The following ME3 variants were observed in gnomAD, a reference collection of about 807,000 sequenced individuals.
The protein encoded by ME3 is NADP-dependent malic enzyme, mitochondrial.
Under a neutral mutation model 68.9 loss-of-function variants are expected in ME3, and 48 were observed. The observed-to-expected ratio is 0.70, with a 90% CI of 0.55 to 0.89. ME3 has a LOEUF of 0.89. Ranked by LOEUF, ME3 falls within the 40% of genes least tolerant of loss-of-function variation. The probability of loss-of-function intolerance (pLI) is 0.00; values close to 1 mark genes in which losing one functional copy is unlikely to be tolerated. For synonymous variants in ME3, 320 were observed against 318.8 expected (o/e 1.00, Z -0.04); for missense variants, 675 against 797.4 (o/e 0.85, Z 1.85).
chr11:86,501,895 C>T (rs897311150), intron 5 of ME3, among the ~76,000 whole-genome samples: 4 of 152,198 alleles, frequency 2.6e-5, no homozygotes, highest in Admixed American at 6.5e-5. Context: ...GCACTGTTCT[C>T]CTAACTGGTC....
chr11:86,659,908 ATTTTTT>A (rs545825082), intron 2 of ME3, among the ~76,000 whole-genome samples: 1 of 149,794 alleles, frequency 6.7e-6, no homozygotes, highest in African/African-American at 2.5e-5. Context: ...GGCTGGATCT[ATTTTTT>A]TTTTAAGTTA....
chr11:86,450,695 T>C (rs867115789), intron 8 of ME3, among the ~76,000 whole-genome samples: 2 of 152,136 alleles, frequency 1.3e-5, no homozygotes, highest in African/African-American at 4.8e-5. Flanking sequence ...AGGATAAATA[T>C]AATGGAAGAC....
At chr11:86,504,719 G>C (rs1412447061) in intron 5 of ME3, among the ~76,000 whole-genome samples, 1 of 151,626 alleles carries the variant, frequency 6.6e-6, no homozygotes, top group Non-Finnish European at 1.5e-5. Context: ...TTTTGAGACA[G>C]AGTCTTGCTC....
intron 7 of ME3, among the ~76,000 whole-genome samples, chr11:86,470,197 T>A (rs1365164174): frequency 6.6e-6 from 1 of 152,136 alleles, no homozygotes; most frequent in Non-Finnish European, 1.5e-5. Context: ...TGAACAAACA[T>A]GAGGGACTGG....
chr11:86,591,159 A>G (rs1347267042), intron 2 of ME3, among the ~76,000 whole-genome samples: 1 of 151,020 alleles, frequency 6.6e-6, no homozygotes, highest in East Asian at 2.0e-4. Context: ...TTCCTTTTGT[A>G]GGGGTCAGAT....
At chr11:86,647,125 G>C (rs182318257) in intron 2 of ME3, among the ~76,000 whole-genome samples, 2 of 152,282 alleles carry the variant, frequency 1.3e-5, no homozygotes, top group Non-Finnish European at 1.5e-5. Context: ...GATTGACACT[G>C]TGAAGAAACT....
intron 4 of ME3, among the ~76,000 whole-genome samples, chr11:86,525,036 G>T (rs1357035871): frequency 2.0e-5 from 3 of 152,164 alleles, no homozygotes; most frequent in African/African-American, 7.2e-5. Flanking sequence ...TCTGGTCAGG[G>T]ATAAGTTCCA....
exon 6 of ME3, chr11:86,498,006 T>C (rs1216862682): frequency 6.2e-7 from 1 of 1,611,892 alleles, no homozygotes; most frequent in Non-Finnish European, 8.5e-7. Flanking sequence ...GAGGCACTGC[T>C]GCGGGTTCAC....
chr11:86,438,203 C>G (rs1047903968), downstream of ME3, among the ~76,000 whole-genome samples: 22 of 151,900 alleles, frequency 1.4e-4, no homozygotes, highest in African/African-American at 5.1e-4. Flanking sequence ...TGGTTTTTTT[C>G]AAATGCTTTC....
At chr11:86,499,226 C>T (rs376215926) in intron 5 of ME3, among the ~76,000 whole-genome samples, 4 of 151,670 alleles carry the variant, frequency 2.6e-5, no homozygotes, top group Non-Finnish European at 5.9e-5. Context: ...GTTTGGGGAG[C>T]GAGGAGATGT....
chr11:86,629,840 C>T (rs1389113494), intron 2 of ME3, among the ~76,000 whole-genome samples: 1 of 152,190 alleles, frequency 6.6e-6, no homozygotes, highest in African/African-American at 2.4e-5. Flanking sequence ...TCACTAGCAG[C>T]TTAGATGGCT....
intron 2 of ME3, among the ~76,000 whole-genome samples, chr11:86,655,336 G>C (rs973130452): frequency 4.6e-5 from 7 of 152,118 alleles, no homozygotes; most frequent in Admixed American, 2.6e-4. Flanking sequence ...CACGCTACCT[G>C]ACTTCAAACT....
chr11:86,537,047 A>G (rs1489619770), intron 4 of ME3, among the ~76,000 whole-genome samples: 1 of 150,810 alleles, frequency 6.6e-6, no homozygotes, highest in African/African-American at 2.4e-5. Flanking sequence ...CAAAAAACCA[A>G]ACACCGCATA....
intron 2 of ME3, among the ~76,000 whole-genome samples, chr11:86,661,841 TG>T: frequency 2.7e-4 from 1 of 3,642 alleles, no homozygotes; most frequent in Non-Finnish European, 1.6e-3. Flanking sequence ...AGTATTGTAT[TG>T]TATTGTATTG....
intron 2 of ME3, among the ~76,000 whole-genome samples, chr11:86,571,425 A>G (rs7940192): frequency 0.49 from 74,191 of 152,074 alleles, 19,022 homozygotes; most frequent in Admixed American, 0.59. Context: ...TCACTAGAAC[A>G]GCAACATTAG....
At chr11:86,557,365 C>T (rs1594434999) in intron 3 of ME3, among the ~76,000 whole-genome samples, 1 of 152,162 alleles carries the variant, frequency 6.6e-6, no homozygotes. Flanking sequence ...TGAGAGAAAA[C>T]CTAGGGGTTG....
chr11:86,645,763 C>T (rs942878308), intron 2 of ME3, among the ~76,000 whole-genome samples: 2 of 152,184 alleles, frequency 1.3e-5, no homozygotes, highest in African/African-American at 2.4e-5. Flanking sequence ...GGAGAGACAC[C>T]TTCCAGCAGG....
At chr11:86,442,699 TAGTGCAGCTC>T (rs1949067401) in intron 14 of ME3, 112 bp downstream of exon 14, 1 of 758,362 alleles carries the variant, frequency 1.3e-6, no homozygotes, top group Admixed American at 2.8e-5. Context: ...GGGTTACAGG[TAGTGCAGCTC>T]AAGGAGATCC....
chr11:86,459,284 C>T (rs992160900), intron 8 of ME3, among the ~76,000 whole-genome samples: 1 of 152,156 alleles, frequency 6.6e-6, no homozygotes, highest in Non-Finnish European at 1.5e-5. Context: ...TGGGGCCCTG[C>T]TTCTCTTCTC....
Sources: allele counts gnomAD v4.1 joint callset (sites outside exome capture counted in the v4.1 genomes callset), GRCh38; gene constraint gnomAD v4.1.1; transcripts MANE v1.5; gene names NCBI Gene and HGNC (gene_info 2026-07-23, HGNC 2026-07-21).